Variants in DENND1B observed in about 807,000 individuals in gnomAD.
DENND1B encodes DENN domain-containing protein 1B.
DENND1B carries 59 observed loss-of-function variants against 90.1 expected under a neutral mutation model. The ratio of observed to expected loss-of-function variants is 0.65; its 90% CI spans 0.53 to 0.81. The LOEUF is 0.81. DENND1B is among the 40% of genes least tolerant of loss of function. The probability of loss-of-function intolerance (pLI) is 0.00; values close to 1 mark genes in which losing one functional copy is unlikely to be tolerated. For missense variants in DENND1B, 862 were observed against 912.6 expected, an observed-to-expected ratio of 0.94 and a Z score of 0.71; for synonymous variants, 337 against 324.6, an observed-to-expected ratio of 1.04 and a Z score of -0.41.
At chr1:197,529,355 C>G (rs902676484) in intron 20 of DENND1B, among the ~76,000 whole-genome samples, 1 of 149,588 alleles carries the variant, frequency 6.7e-6, no homozygotes, top group Admixed American at 6.7e-5. Context: ...TGTGTGCACG[C>G]GCGCACATGT....
Position 197,602,052 on chromosome 1 carries a change from T to C in DENND1B, c.921+5021A>G, listed in dbSNP as rs567809854. Among the ~76,000 whole-genome samples the C allele has an allele frequency of 2.6e-5, 4 of 151,714 alleles. No homozygotes were observed. In the East Asian group the frequency reaches 7.8e-4, roughly 30 times the overall value. On this transcript the variant is annotated intron_variant, in intron 13 of 22. Transcript: ENST00000620048. ...AAGCACAATGATTGCCATCACAACA[T>C]GGTCTCTTTTTCTAAATACAGGAAA...
At chr1:197,629,505 C>T (rs301500) in intron 10 of DENND1B, among the ~76,000 whole-genome samples, 2 of 129,226 alleles carry the variant, frequency 1.5e-5, no homozygotes, top group Non-Finnish European at 3.1e-5. Flanking sequence ...GGAAGGGGAA[C>T]ATCACACTCT....
At chr1:197,746,062 C>T (rs1663714890) in intron 2 of DENND1B, among the ~76,000 whole-genome samples, 2 of 152,134 alleles carry the variant, frequency 1.3e-5, no homozygotes, top group African/African-American at 4.8e-5. Context: ...CTTAAAAACA[C>T]AGTACCAGAA....
intron 15 of DENND1B, among the ~76,000 whole-genome samples, chr1:197,562,382 C>T (rs909734978): frequency 6.6e-6 from 1 of 151,934 alleles, no homozygotes; most frequent in Admixed American, 6.6e-5. Flanking sequence ...TTTCCAACAG[C>T]ATCTGCTTAC....
chr1:197,752,646 CTTT>C (rs1653713412), intron 2 of DENND1B, among the ~76,000 whole-genome samples: 2 of 151,474 alleles, frequency 1.3e-5, no homozygotes, highest in East Asian at 3.9e-4. Context: ...AATTTTTTTT[CTTT>C]ATTATTATTA....
rs1372517234 is a variant in DENND1B at position 197,509,044 on chromosome 1, G to A, written c.*1416C>T. Reference sequence around the variant, plus strand: ...TGGAAAGGGCAGGAAGAACTTTAGAGTGACAAACGCTACCTCAGCCAGGTT... The same window carrying A: ...TGGAAAGGGCAGGAAGAACTTTAGAATGACAAACGCTACCTCAGCCAGGTT... On this transcript the variant is annotated 3_prime_UTR_variant, in exon 23 of 23. Coordinates refer to ENST00000620048, the MANE Select transcript of DENND1B (RefSeq NM_001195215.2). 6.6e-6 allele frequency: 1 copy of A among 151,758 alleles called. No homozygotes were observed. Among genetic ancestry groups the A allele is most frequent in the Non-Finnish European group, 1.5e-5 (1 of 67,832 alleles). The allele number at this position is 151,758 out of a possible 1,614,324, so 9.4% of individuals were successfully genotyped here.
At chr1:197,607,451 A>G (rs1384763882) in intron 12 of DENND1B, among the ~76,000 whole-genome samples, 1 of 150,970 alleles carries the variant, frequency 6.6e-6, no homozygotes, top group Non-Finnish European at 1.5e-5. Flanking sequence ...AGGCACAGTT[A>G]TATCAAACTG....
In DENND1B at chr1:197,573,028, CTT is replaced by C. The variant is rs1673319899; in HGVS notation, c.1149+10122_1149+10123del. Reference sequence around the variant, plus strand: ...TATTGCGTCTATTTGATTCTTCTCTCTTTTTTTCTTTATTAGTCTTGCTAGCG... The same window carrying C: ...TATTGCGTCTATTTGATTCTTCTCTCTTTTTCTTTATTAGTCTTGCTAGCG... On this transcript the variant is annotated intron_variant, in intron 15 of 22. Coordinates refer to ENST00000620048, the MANE Select transcript of DENND1B (RefSeq NM_001195215.2). 2.0e-5 allele frequency among the ~76,000 whole-genome samples: 3 copies of C among 152,066 alleles called. No homozygotes were observed. The South Asian group carries it at 6.2e-4, about 32-fold the overall frequency.
intron 12 of DENND1B, among the ~76,000 whole-genome samples, chr1:197,607,888 T>A (rs1676833204): frequency 6.6e-6 from 1 of 150,668 alleles, no homozygotes; most frequent in South Asian, 2.1e-4. Flanking sequence ...TTAAAGAAAA[T>A]ACTTATGGTT....
At chr1:197,734,087 G>A (rs985803956) in intron 2 of DENND1B, 1 of 957,342 alleles carries the variant, frequency 1.0e-6, no homozygotes, top group Non-Finnish European at 1.2e-6. Flanking sequence ...ATTTTTCACT[G>A]AAGGACCCAA....
intron 16 of DENND1B, among the ~76,000 whole-genome samples, chr1:197,548,343 C>A (rs1251225752): frequency 6.6e-6 from 1 of 152,076 alleles, no homozygotes. Context: ...AGAGCTCAGG[C>A]CTACTCTATC....
chr1:197,625,999 C>A (rs1678670777), intron 10 of DENND1B, among the ~76,000 whole-genome samples: 1 of 152,116 alleles, frequency 6.6e-6, no homozygotes, highest in Non-Finnish European at 1.5e-5. Flanking sequence ...GCACCCAATA[C>A]AGGAGCACCC....
chr1:197,647,015 T>C (rs748399919), intron 8 of DENND1B, 40 bp downstream of exon 8: 224 of 1,416,500 alleles, frequency 1.6e-4, no homozygotes, highest in Non-Finnish European at 2.0e-4. Flanking sequence ...TTTTTCCTAT[T>C]TAATAGTGAT....
intron 2 of DENND1B, among the ~76,000 whole-genome samples, chr1:197,767,095 C>T (rs1655795157): frequency 1.3e-5 from 2 of 151,964 alleles, no homozygotes; most frequent in Non-Finnish European, 2.9e-5. Context: ...CACCCAGCCC[C>T]AGTTTCTTTT....
chr1:197,766,515 T>C lies in DENND1B; in HGVS notation c.82+6353A>G, dbSNP rs569785173. Among the ~76,000 whole-genome samples the C allele has an allele frequency of 3.0e-3, 450 of 152,320 alleles. 1 individual carries two copies. Among genetic ancestry groups the C allele is most frequent in the Non-Finnish European group, 5.2e-3 (351 of 68,024 alleles). On this transcript the variant is annotated intron_variant, in intron 2 of 22. Coordinates refer to ENST00000620048, the MANE Select transcript of DENND1B (RefSeq NM_001195215.2). ...ATGTATGAATGGTTATAGATGAGTT[T>C]TAAGGTAAATTCACAAACATATATA...
intron 3 of DENND1B, among the ~76,000 whole-genome samples, chr1:197,704,701 GA>G (rs753768132): frequency 7.2e-5 from 11 of 152,122 alleles, no homozygotes; most frequent in Non-Finnish European, 1.5e-4. Context: ...TCCATGTTAT[GA>G]AAAATGGATT....
At chr1:197,652,171 GTGCTC>G in intron 7 of DENND1B, 59 bp downstream of exon 7, 1 of 1,354,746 alleles carries the variant, frequency 7.4e-7, no homozygotes, top group Non-Finnish European at 1.0e-6. Context: ...GAAGGTACAC[GTGCTC>G]TTAACGAAAT....
intron 15 of DENND1B, among the ~76,000 whole-genome samples, chr1:197,554,479 G>A (rs935584383): frequency 1.3e-5 from 2 of 151,952 alleles, no homozygotes; most frequent in Admixed American, 6.6e-5. Context: ...CTGTTTGAAC[G>A]GTTAATGAAC....
chr1:197,571,275 C>T (rs1470834850), intron 15 of DENND1B, among the ~76,000 whole-genome samples: 6 of 152,228 alleles, frequency 3.9e-5, no homozygotes, highest in Non-Finnish European at 8.8e-5. Flanking sequence ...CTACAGCATA[C>T]TGTTCCATTT....
Sources: gnomAD v4.1 joint callset for allele counts (sites outside exome capture counted in the v4.1 genomes callset) on GRCh38, gnomAD v4.1.1 for gene constraint, MANE v1.5 for transcripts, NCBI Gene and HGNC (gene_info 2026-07-23, HGNC 2026-07-21) for gene names.